Variants in HMGB1 observed in about 807,000 individuals in gnomAD.
HMGB1 encodes high mobility group box 1.
For synonymous variants in HMGB1, 81 were observed against 84.0 expected, an observed-to-expected ratio of 0.96 and a Z score of 0.19; for missense variants, 79 against 253.5, an observed-to-expected ratio of 0.31 and a Z score of 4.67.
chr13:30,476,805 A>G (rs1386625462), intron 1 of HMGB1, among the ~76,000 whole-genome samples: 1 of 151,336 alleles, frequency 6.6e-6, no homozygotes, highest in Non-Finnish European at 1.5e-5. Context: ...GGCGAAGGTT[A>G]GAGAGAGCCA....
chr13:30,537,057 C>G (rs1383211101), intron 1 of HMGB1, among the ~76,000 whole-genome samples: 1 of 152,186 alleles, frequency 6.6e-6, no homozygotes, highest in Non-Finnish European at 1.5e-5. Context: ...AAAGGATGCA[C>G]AGGCAGAAAA....
intron 1 of HMGB1, among the ~76,000 whole-genome samples, chr13:30,498,844 C>A (rs1887672189): frequency 6.6e-6 from 1 of 151,696 alleles, no homozygotes; most frequent in Admixed American, 6.6e-5. Context: ...GACAGGGTTT[C>A]ACCATGTTGG....
chr13:30,614,589 A>C (rs575410021), intron 1 of HMGB1, among the ~76,000 whole-genome samples: 2 of 152,338 alleles, frequency 1.3e-5, no homozygotes, highest in Non-Finnish European at 2.9e-5. Context: ...ATGGGATTAG[A>C]TGTCAGATAT....
intron 1 of HMGB1, among the ~76,000 whole-genome samples, chr13:30,579,850 G>A (rs1401030142): frequency 6.6e-6 from 1 of 152,148 alleles, no homozygotes; most frequent in African/African-American, 2.4e-5. Context: ...GGGTTAAAAG[G>A]TCATTGCTGG....
At chr13:30,579,432 C>T (rs780594426) in intron 1 of HMGB1, among the ~76,000 whole-genome samples, 20 of 152,208 alleles carry the variant, frequency 1.3e-4, no homozygotes, top group Non-Finnish European at 2.2e-4. Flanking sequence ...GAAAACACTG[C>T]ATATGGTCAT....
intron 1 of HMGB1, among the ~76,000 whole-genome samples, chr13:30,494,833 A>G (rs1887575284): frequency 1.3e-5 from 2 of 152,040 alleles, no homozygotes; most frequent in African/African-American, 4.8e-5. Flanking sequence ...GCCAACTAAC[A>G]TTCTACTTTC....
At chr13:30,604,144 T>C (rs1171336370) in intron 1 of HMGB1, among the ~76,000 whole-genome samples, 2 of 148,444 alleles carry the variant, frequency 1.3e-5, no homozygotes, top group African/African-American at 5.0e-5. Flanking sequence ...AAAGCTGCTC[T>C]CCAAGTTGGG....
chr13:30,527,518 C>A (rs1324005305), intron 1 of HMGB1, among the ~76,000 whole-genome samples: 1 of 152,072 alleles, frequency 6.6e-6, no homozygotes, highest in Non-Finnish European at 1.5e-5. Context: ...TGTGTCTATG[C>A]CACCACTTCC....
At chr13:30,471,996 G>C (rs1886956075) in intron 1 of HMGB1, among the ~76,000 whole-genome samples, 1 of 150,860 alleles carries the variant, frequency 6.6e-6, no homozygotes, top group Non-Finnish European at 1.5e-5. Flanking sequence ...CTTAAAAGGT[G>C]ACCAGGTGTG....
chr13:30,474,723 C>A (rs1401181197), intron 1 of HMGB1, among the ~76,000 whole-genome samples: 1 of 149,934 alleles, frequency 6.7e-6, no homozygotes, highest in Non-Finnish European at 1.5e-5. Context: ...CCACTGCACT[C>A]CAGCCTGGGC....
At chr13:30,515,218 A>C (rs1888076175) in intron 1 of HMGB1, among the ~76,000 whole-genome samples, 1 of 152,236 alleles carries the variant, frequency 6.6e-6, no homozygotes, top group Non-Finnish European at 1.5e-5. Flanking sequence ...TCAGCAAGAA[A>C]GTGGGACCTC....
chr13:30,462,276 C>T (rs1351433011), intron 4 of HMGB1: 5 of 475,466 alleles, frequency 1.1e-5, no homozygotes, highest in Non-Finnish European at 1.9e-5. Flanking sequence ...GAAGTGACTA[C>T]CAACATTTTC....
chr13:30,466,665 A>G (rs1886797288), upstream of HMGB1, among the ~76,000 whole-genome samples: 1 of 152,178 alleles, frequency 6.6e-6, no homozygotes, highest in Non-Finnish European at 1.5e-5. Context: ...ATCGAGTTTC[A>G]CAGCATGTCT....
At position 30,505,400 on chromosome 13, in the gene HMGB1, C is replaced by A. The variant is rs9508762; in HGVS notation, c.-14-41706G>T. Among the ~76,000 whole-genome samples, 135 of 150,488 alleles carry A rather than the reference C, an allele frequency of 9.0e-4. No homozygotes were observed. The Middle Eastern group carries it at 0.01, about 11-fold the overall frequency. ...TCACCGTGTTAGCCAGGATGGTCTC[C>A]ATCTCCTGACCTCGTGATCAGCCCA... On this transcript the variant is annotated intron_variant, in intron 1 of 4. Coordinates refer to the HMGB1 transcript ENST00000405805.
At chr13:30,592,882 A>T (rs1871429495) in intron 1 of HMGB1, among the ~76,000 whole-genome samples, 1 of 152,016 alleles carries the variant, frequency 6.6e-6, no homozygotes. Context: ...AAAAAAAAAA[A>T]AAAAGCGAAT....
chr13:30,538,720 T>TTC lies in HMGB1; in HGVS notation c.-14-75027_-14-75026insGA, dbSNP rs1180351511. Among the ~76,000 whole-genome samples, 196 of 111,140 alleles carry TTC rather than the reference T, an allele frequency of 1.8e-3. 5 individuals carry two copies. The highest frequency in any genetic ancestry group is 0.016 in the South Asian group (51 of 3,240). 72.9% of individuals were successfully genotyped at this position (111,140 alleles called of 152,430 possible). On this transcript the variant is annotated intron_variant, in intron 1 of 4. Coordinates refer to the HMGB1 transcript ENST00000405805. ...TTCTTTCTTTTTCTTTCTTTCTTCT[T>TTC]TTTCTTTCTTTTTCTTTCTTTCTTC... is the stretch of plus-strand genomic sequence containing the variant.
intron 1 of HMGB1, among the ~76,000 whole-genome samples, chr13:30,475,043 CTCT>C (rs1887050330): frequency 4.2e-5 from 2 of 47,110 alleles, no homozygotes; most frequent in African/African-American, 2.0e-4. Context: ...CTCTCTCTCT[CTCT>C]TTTTTTTTTT....
chr13:30,590,462 C>G (rs953362406), intron 1 of HMGB1, among the ~76,000 whole-genome samples: 1 of 152,072 alleles, frequency 6.6e-6, no homozygotes. Flanking sequence ...GGCCTCCCCG[C>G]AAAGTGCTGA....
chr13:30,595,335 G>A (rs1871560335), intron 1 of HMGB1, among the ~76,000 whole-genome samples: 1 of 152,162 alleles, frequency 6.6e-6, no homozygotes, highest in African/African-American at 2.4e-5. Context: ...GAGCAACCCA[G>A]ATGTTCTAGC....
Sources: allele counts gnomAD v4.1 joint callset (sites outside exome capture counted in the v4.1 genomes callset), GRCh38; gene constraint gnomAD v4.1.1; transcripts MANE v1.5; gene names NCBI Gene and HGNC (gene_info 2026-07-23, HGNC 2026-07-21).